Variants in FHIT observed in about 807,000 individuals in gnomAD.
FHIT encodes bis(5'-adenosyl)-triphosphatase.
Under a neutral mutation model 17.9 loss-of-function variants are expected in FHIT, and 19 were observed. The observed-to-expected ratio is 1.06, with a 90% CI of 0.74 to 1.56. The LOEUF (loss-of-function observed/expected upper bound fraction) is 1.56. Among genes scored for constraint, FHIT ranks in the 40% most tolerant of loss-of-function variants. The pLI is 0.00. For synonymous variants in FHIT, 81 were observed against 69.7 expected, an observed-to-expected ratio of 1.16 and a Z score of -0.81; for missense variants, 248 against 189.2, an observed-to-expected ratio of 1.31 and a Z score of -1.82.
chr3:60,339,718 T>A (rs2106892880), intron 5 of FHIT, among the ~76,000 whole-genome samples: 1 of 152,294 alleles, frequency 6.6e-6, no homozygotes, highest in East Asian at 1.9e-4. Flanking sequence ...TGACTGAAAT[T>A]AACTACATCG....
At chr3:60,106,467 T>C (rs958698413) in intron 5 of FHIT, among the ~76,000 whole-genome samples, 1 of 152,200 alleles carries the variant, frequency 6.6e-6, no homozygotes, top group Non-Finnish European at 1.5e-5. Context: ...TTAATTAAGA[T>C]GGAAAAGGCA....
intron 5 of FHIT, among the ~76,000 whole-genome samples, chr3:60,161,555 G>T (rs563384342): frequency 1.3e-5 from 2 of 152,146 alleles, no homozygotes; most frequent in Non-Finnish European, 2.9e-5. Context: ...ACTTTCAAGG[G>T]CATGATTCCT....
At chr3:60,260,436 C>T (rs765020356) in intron 5 of FHIT, among the ~76,000 whole-genome samples, 32 of 151,292 alleles carry the variant, frequency 2.1e-4, no homozygotes, top group Non-Finnish European at 4.3e-4. Context: ...CAGGTGTAAG[C>T]GTTAAAACTT....
chr3:59,986,516 TATATATATATATATATATATATATAC>T lies in FHIT; in HGVS notation c.279+24829_279+24854del, dbSNP rs1377118355. The stretch of plus-strand genomic sequence containing the variant: ...AGTCCAAAATATATATATATATATA[TATATATATATATATATATATATATAC>T]ACACACACACACACACACACACACA... On this transcript the variant is annotated intron_variant, in intron 7 of 9. Transcript: ENST00000492590. 2.6e-3 allele frequency among the ~76,000 whole-genome samples: 64 copies of T among 24,846 alleles called. 3 individuals are homozygous for T. Among genetic ancestry groups the T allele is most frequent in the South Asian group, 9.8e-3 (2 of 204 alleles). The allele number at this position is 24,846 out of a possible 152,430, so 16.3% of individuals were successfully genotyped here. A position where few individuals can be genotyped will look rare whatever the true frequency, so the allele number is the denominator to read the frequency against.
At chr3:60,955,633 T>TATACAC (rs1272864632) in intron 3 of FHIT, among the ~76,000 whole-genome samples, 705 of 39,052 alleles carry the variant, frequency 0.018, 8 homozygotes, top group Non-Finnish European at 0.03. Flanking sequence ...TATATATATA[T>TATACAC]ACACACACAC....
intron 7 of FHIT, among the ~76,000 whole-genome samples, chr3:59,986,479 G>A (rs1249618469): frequency 3.7e-5 from 5 of 135,314 alleles, no homozygotes; most frequent in South Asian, 2.3e-4. Flanking sequence ...AGGGCTCTGG[G>A]TATGAGAAAG....
intron 7 of FHIT, among the ~76,000 whole-genome samples, chr3:60,008,077 A>G (rs1025389530): frequency 1.3e-5 from 2 of 152,176 alleles, no homozygotes; most frequent in Non-Finnish European, 2.9e-5. Context: ...ACCTTCTCAA[A>G]GAACTAGAGA....
chr3:60,261,212 T>C (rs1400048659), intron 5 of FHIT, among the ~76,000 whole-genome samples: 2 of 152,114 alleles, frequency 1.3e-5, no homozygotes, highest in Non-Finnish European at 2.9e-5. Context: ...CTTTACTCTT[T>C]GGACTCACTC....
At chr3:60,930,138 G>A (rs1340956355) in intron 3 of FHIT, among the ~76,000 whole-genome samples, 1 of 151,724 alleles carries the variant, frequency 6.6e-6, no homozygotes, top group Non-Finnish European at 1.5e-5. Flanking sequence ...TTAATAAATG[G>A]TGCTGGGGAA....
rs1576954683 is a variant in FHIT at position 60,603,357 on chromosome 3, T to C, written c.-17-66378A>G. ...GGTAAAATTAAATTTAACATCTTTA[T>C]TGATAAAGCAGATATATTATGATCT... On this transcript the variant is annotated intron_variant, in intron 4 of 9. Coordinates refer to ENST00000492590, the MANE Select transcript of FHIT (RefSeq NM_002012.4). 2.6e-5 allele frequency among the ~76,000 whole-genome samples: 4 copies of C among 152,330 alleles called. No homozygotes were observed. In the East Asian group the frequency reaches 5.8e-4, roughly 22 times the overall value.
intron 9 of FHIT, chr3:59,751,527 T>C (rs1700900960): frequency 4.6e-6 from 1 of 215,504 alleles, no homozygotes; most frequent in East Asian, 6.9e-5. Flanking sequence ...ATGAGCTCGT[T>C]AGACACTGCA....
chr3:60,509,085 C>A (rs2034846257), intron 5 of FHIT, among the ~76,000 whole-genome samples: 1 of 152,146 alleles, frequency 6.6e-6, no homozygotes, highest in Non-Finnish European at 1.5e-5. Context: ...CCATTGCAAG[C>A]AGTCCTGGTA....
chr3:60,043,106 T>C (rs765875784), intron 5 of FHIT, among the ~76,000 whole-genome samples: 3 of 152,308 alleles, frequency 2.0e-5, no homozygotes, highest in South Asian at 2.1e-4. Context: ...GTGAAGGACT[T>C]TGGGCTTCTA....
chr3:60,217,847 A>G (rs767714022), intron 5 of FHIT, among the ~76,000 whole-genome samples: 3 of 152,186 alleles, frequency 2.0e-5, no homozygotes, highest in Non-Finnish European at 4.4e-5. Flanking sequence ...TTACTCTGCA[A>G]TCAACTGCAA....
intron 4 of FHIT, among the ~76,000 whole-genome samples, chr3:60,657,341 C>T (rs1268618623): frequency 1.3e-5 from 2 of 152,118 alleles, no homozygotes; most frequent in African/African-American, 4.8e-5. Context: ...CACCACAGAG[C>T]GAAGACTTTT....
chr3:60,967,472 C>T (rs988579278), intron 3 of FHIT, among the ~76,000 whole-genome samples: 2 of 151,936 alleles, frequency 1.3e-5, no homozygotes, highest in South Asian at 2.1e-4. Flanking sequence ...GACTAGATAC[C>T]AAGTTGATGA....
Position 60,549,751 on chromosome 3 carries a change from G to C in FHIT, c.-17-12772C>G, listed in dbSNP as rs530793572. Among the ~76,000 whole-genome samples the C allele has an allele frequency of 2.0e-5, 3 of 152,192 alleles. No individual in the cohort carries two copies. In the East Asian group the frequency reaches 5.8e-4, roughly 29 times the overall value. On this transcript the variant is annotated intron_variant, in intron 4 of 9. Transcript: ENST00000492590. ...CTACCATGAAAATTAATGTCTCCTA[G>C]GCAACCAGGAAGTCAGACACAATGA...
chr3:60,359,952 C>T lies in FHIT; in HGVS notation c.103+176908G>A, dbSNP rs746939754. On this transcript the variant is annotated intron_variant, in intron 5 of 9. Coordinates refer to ENST00000492590, the MANE Select transcript of FHIT (RefSeq NM_002012.4). ...AGAGCAGGGATGAAAAGCAATTATGCAAACACTAGAACACTAGGACATTCA... is the reference window on the plus strand; with the variant it reads ...AGAGCAGGGATGAAAAGCAATTATGTAAACACTAGAACACTAGGACATTCA... 2.0e-5 allele frequency among the ~76,000 whole-genome samples: 3 copies of T among 147,182 alleles called. No homozygotes were observed. The East Asian group carries it at 6.0e-4, about 29-fold the overall frequency.
intron 2 of FHIT, 137 bp downstream of exon 2, chr3:61,200,480 G>A (rs2038979025): frequency 6.6e-6 from 1 of 152,642 alleles, no homozygotes; most frequent in Non-Finnish European, 1.5e-5. Context: ...TTTTGCCTAA[G>A]AGGGAGGACA....
Sources: gnomAD v4.1 joint callset for allele counts (sites outside exome capture counted in the v4.1 genomes callset) on GRCh38, gnomAD v4.1.1 for gene constraint, MANE v1.5 for transcripts, NCBI Gene and HGNC (gene_info 2026-07-23, HGNC 2026-07-21) for gene names.